PLEKHA5: variants seen among roughly 807,000 people sequenced by gnomAD.
PLEKHA5 encodes the protein pleckstrin homology domain-containing family A member 5.
PLEKHA5 carries 55 observed loss-of-function variants against 181.9 expected under a neutral mutation model. That is an observed-to-expected ratio of 0.30 (90% CI 0.24 to 0.38). The LOEUF is 0.38. Ranked by LOEUF, PLEKHA5 falls within the 10% of genes least tolerant of loss-of-function variation. The pLI, the probability that PLEKHA5 is intolerant of heterozygous loss-of-function variation, is 1.00. For missense variants in PLEKHA5, 1,432 were observed against 1,549.5 expected, an observed-to-expected ratio of 0.92 and a Z score of 1.27; for synonymous variants, 535 against 529.4, an observed-to-expected ratio of 1.01 and a Z score of -0.15.
chr12:19,210,761 T>A (rs1403102389), intron 3 of PLEKHA5, among the ~76,000 whole-genome samples: 2 of 152,144 alleles, frequency 1.3e-5, no homozygotes, highest in African/African-American at 2.4e-5. Context: ...ATCTGGGAGA[T>A]GGATTACTAA....
intron 3 of PLEKHA5, among the ~76,000 whole-genome samples, chr12:19,250,668 T>G (rs1160036270): frequency 1.3e-5 from 2 of 152,218 alleles, no homozygotes; most frequent in African/African-American, 4.8e-5. Flanking sequence ...TACAAATTTT[T>G]TAAATACTTT....
chr12:19,273,466 G>A (rs141573586), intron 10 of PLEKHA5, among the ~76,000 whole-genome samples: 241 of 151,432 alleles, frequency 1.6e-3, no homozygotes, highest in South Asian at 2.9e-3. Flanking sequence ...CTTTCCACAC[G>A]TCATAAACAT....
intron 3 of PLEKHA5, among the ~76,000 whole-genome samples, chr12:19,230,887 C>T (rs375481517): frequency 6.6e-6 from 1 of 152,202 alleles, no homozygotes; most frequent in Non-Finnish European, 1.5e-5. Context: ...CACGCGAGGG[C>T]TGCCACCACA....
intron 15 of PLEKHA5, among the ~76,000 whole-genome samples, chr12:19,309,815 G>A (rs1167920490): frequency 6.6e-6 from 1 of 151,952 alleles, no homozygotes; most frequent in South Asian, 2.1e-4. Flanking sequence ...AGTATTCTTA[G>A]GCACACAGTG....
intron 3 of PLEKHA5, among the ~76,000 whole-genome samples, chr12:19,206,987 C>T (rs556137515): frequency 1.3e-5 from 2 of 152,180 alleles, no homozygotes; most frequent in African/African-American, 2.4e-5. Context: ...ATAAGTCATT[C>T]GCTAATAGCC....
chr12:19,325,556 C>A (rs2091902692), intron 20 of PLEKHA5, among the ~76,000 whole-genome samples: 1 of 151,712 alleles, frequency 6.6e-6, no homozygotes, highest in African/African-American at 2.4e-5. Flanking sequence ...GGTGTGGGGG[C>A]AGATGCCTGT....
In PLEKHA5 at chr12:19,189,223, A is replaced by G. The variant is rs923946646; in HGVS notation, c.227+56773A>G. Among the ~76,000 whole-genome samples, 7 of 152,328 alleles carry G rather than the reference A, an allele frequency of 4.6e-5. No homozygotes were observed. The East Asian group carries it at 1.4e-3, about 29-fold the overall frequency. On this transcript the variant is annotated intron_variant, in intron 3 of 31. Coordinates refer to ENST00000429027, the MANE Select transcript of PLEKHA5 (RefSeq NM_001256470.2). ...ACCGGGGCCACACTGTGCAGGACCA[A>G]GTAGCTTCATTGAAGTCTTGGCAGT... is the stretch of plus-strand genomic sequence containing the variant.
At chr12:19,198,531 G>A (rs2053474863) in intron 3 of PLEKHA5, among the ~76,000 whole-genome samples, 1 of 152,054 alleles carries the variant, frequency 6.6e-6, no homozygotes, top group Non-Finnish European at 1.5e-5. Context: ...TTTGTTTATT[G>A]AGTTTCATCC....
At chr12:19,165,970 C>G (rs1288247352) in intron 3 of PLEKHA5, among the ~76,000 whole-genome samples, 1 of 152,008 alleles carries the variant, frequency 6.6e-6, no homozygotes, top group Non-Finnish European at 1.5e-5. Context: ...CATTTTGTTA[C>G]GAGGTTGATG....
At chr12:19,239,180 A>G (rs189094148) in intron 3 of PLEKHA5, among the ~76,000 whole-genome samples, 5 of 152,338 alleles carry the variant, frequency 3.3e-5, no homozygotes, top group Admixed American at 1.3e-4. Context: ...TACGAGGAGG[A>G]TATCTTGATC....
intron 25 of PLEKHA5, among the ~76,000 whole-genome samples, chr12:19,350,688 G>C (rs1398444620): frequency 6.6e-6 from 1 of 151,974 alleles, no homozygotes; most frequent in African/African-American, 2.4e-5. Flanking sequence ...AGAATCACTT[G>C]AACTGGGAGG....
intron 15 of PLEKHA5, among the ~76,000 whole-genome samples, chr12:19,309,011 G>A (rs573870509): frequency 1.3e-5 from 2 of 151,916 alleles, no homozygotes; most frequent in Admixed American, 1.3e-4. Flanking sequence ...GCAGTGAGCC[G>A]AGATTGCGCT....
chr12:19,221,551 T>C (rs188312465), intron 3 of PLEKHA5, among the ~76,000 whole-genome samples: 23 of 152,276 alleles, frequency 1.5e-4, no homozygotes, highest in Non-Finnish European at 1.5e-5. Context: ...ACTGTAATTA[T>C]GTTCATGCGA....
At chr12:19,272,460 T>C (rs961611879) in intron 10 of PLEKHA5, among the ~76,000 whole-genome samples, 5 of 152,192 alleles carry the variant, frequency 3.3e-5, no homozygotes, top group Non-Finnish European at 7.3e-5. Flanking sequence ...AGCTTTAGGC[T>C]GAGCACGGTG....
intron 20 of PLEKHA5, among the ~76,000 whole-genome samples, chr12:19,331,744 C>T (rs369214068): frequency 2.0e-4 from 30 of 152,146 alleles, no homozygotes; most frequent in African/African-American, 6.3e-4. Context: ...AAATCTTGGC[C>T]GGGCCTGCTG....
intron 3 of PLEKHA5, among the ~76,000 whole-genome samples, chr12:19,147,435 G>A (rs553792393): frequency 6.6e-6 from 1 of 152,100 alleles, no homozygotes. Flanking sequence ...TCAAGGTGTT[G>A]TAACGTTAGG....
At chr12:19,183,226 A>G (rs909222969) in intron 3 of PLEKHA5, among the ~76,000 whole-genome samples, 2 of 152,326 alleles carry the variant, frequency 1.3e-5, no homozygotes, top group African/African-American at 4.8e-5. Flanking sequence ...ATAGATGAGT[A>G]TAAATAGTAT....
intron 13 of PLEKHA5, chr12:19,288,077 CAAAAAAAAAA>C (rs9300127): frequency 1.5e-4 from 28 of 183,542 alleles, no homozygotes; most frequent in Middle Eastern, 8.9e-4. Flanking sequence ...GACTCTGTCT[CAAAAAAAAAA>C]AAAAAAAAAA....
intron 3 of PLEKHA5, among the ~76,000 whole-genome samples, chr12:19,142,198 CA>C (rs113358468): frequency 4.7e-4 from 71 of 150,964 alleles, no homozygotes; most frequent in Admixed American, 1.7e-3. Flanking sequence ...CCAATCTCTA[CA>C]AAAAAAAATT....
Sources: gnomAD v4.1 joint callset for allele counts (sites outside exome capture counted in the v4.1 genomes callset) on GRCh38, gnomAD v4.1.1 for gene constraint, MANE v1.5 for transcripts, NCBI Gene and HGNC (gene_info 2026-07-23, HGNC 2026-07-21) for gene names.